Variants in ADGRL3 observed in about 807,000 individuals in gnomAD.
ADGRL3 encodes adhesion G protein-coupled receptor L3.
In ADGRL3, 62 loss-of-function variants were observed where a neutral mutation model predicts 153.5. The observed-to-expected ratio is 0.40, with a 90% CI of 0.33 to 0.50. ADGRL3 has a LOEUF of 0.50. Among genes scored for constraint, ADGRL3 ranks in the 20% least tolerant of loss-of-function variants. ADGRL3 has a pLI of 0.47. For synonymous variants in ADGRL3, 710 were observed against 672.5 expected (o/e 1.06, Z -0.86); for missense variants, 1,641 against 1,859.4 (o/e 0.88, Z 2.16).
At chr4:61,762,371 G>T (rs2096923458) in intron 8 of ADGRL3, among the ~76,000 whole-genome samples, 1 of 152,000 alleles carries the variant, frequency 6.6e-6, no homozygotes, top group Non-Finnish European at 1.5e-5. Flanking sequence ...AATCTAATGA[G>T]TTTAACATCT....
chr4:61,640,565 G>A (rs1463588923), intron 5 of ADGRL3, among the ~76,000 whole-genome samples: 1 of 152,084 alleles, frequency 6.6e-6, no homozygotes, highest in Non-Finnish European at 1.5e-5. Flanking sequence ...CTTCTCTGTG[G>A]AATAGTTCTA....
chr4:61,904,086 C>G (rs1188283667), intron 11 of ADGRL3, among the ~76,000 whole-genome samples: 10 of 151,300 alleles, frequency 6.6e-5, no homozygotes, highest in Admixed American at 5.9e-4. Context: ...ATTTTTATAA[C>G]CTATTTCACT....
chr4:61,667,806 G>A (rs547977699), intron 5 of ADGRL3, among the ~76,000 whole-genome samples: 1 of 152,232 alleles, frequency 6.6e-6, no homozygotes, highest in Non-Finnish European at 1.5e-5. Context: ...TGTACTAGAG[G>A]ATAATATGTA....
Position 61,981,666 on chromosome 4 carries a change from TTTAC to T in ADGRL3, c.3016-1713_3016-1710del, listed in dbSNP as rs1354947480. ...TATAATTTTTGTGAGCCAGTTTCAGTTTACTTAAGATTTATGCACATGTTACAAG... is the reference window on the plus strand; with the variant it reads ...TATAATTTTTGTGAGCCAGTTTCAGTTTAAGATTTATGCACATGTTACAAG... On this transcript the variant is annotated intron_variant, in intron 18 of 26. Coordinates refer to ENST00000683033, the MANE Select transcript of ADGRL3 (RefSeq NM_001387552.1). Among the ~76,000 whole-genome samples, 34 of 149,616 alleles carry T rather than the reference TTTAC, an allele frequency of 2.3e-4. No homozygotes were observed. The East Asian group carries it at 7.0e-3, about 31-fold the overall frequency.
intron 1 of ADGRL3, among the ~76,000 whole-genome samples, chr4:61,321,719 G>T (rs940350063): frequency 6.6e-6 from 1 of 151,890 alleles, no homozygotes; most frequent in Admixed American, 6.6e-5. Flanking sequence ...ATGTCTAAAC[G>T]TAGAAAAGGT....
intron 21 of ADGRL3, among the ~76,000 whole-genome samples, chr4:62,022,132 C>A (rs2099241082): frequency 6.6e-6 from 1 of 152,166 alleles, no homozygotes; most frequent in African/African-American, 2.4e-5. Flanking sequence ...ATCTATTGAA[C>A]ACATGAATAA....
chr4:62,039,948 G>A (rs77454720), intron 24 of ADGRL3, among the ~76,000 whole-genome samples: 3,973 of 151,990 alleles, frequency 0.026, 181 homozygotes, highest in African/African-American at 0.092. Context: ...ACTACTTTAC[G>A]ACAGAGTTGT....
At chr4:61,625,310 C>T (rs2092766602) in intron 5 of ADGRL3, among the ~76,000 whole-genome samples, 1 of 151,872 alleles carries the variant, frequency 6.6e-6, no homozygotes, top group South Asian at 2.1e-4. Context: ...CAGAAAAGTT[C>T]AGTCATAAAC....
chr4:61,762,206 G>A (rs1035682943), intron 8 of ADGRL3, among the ~76,000 whole-genome samples: 8 of 151,918 alleles, frequency 5.3e-5, no homozygotes, highest in African/African-American at 1.7e-4. Context: ...AGTGATTTAT[G>A]TAGACAGAAA....
chr4:61,696,471 T>A (rs992361496), intron 6 of ADGRL3, among the ~76,000 whole-genome samples: 3 of 152,142 alleles, frequency 2.0e-5, no homozygotes, highest in Non-Finnish European at 4.4e-5. Context: ...GATTAAGTCA[T>A]GATTTATTAA....
At chr4:61,703,803 C>T (rs2095809090) in intron 6 of ADGRL3, among the ~76,000 whole-genome samples, 1 of 151,634 alleles carries the variant, frequency 6.6e-6, no homozygotes, top group South Asian at 2.1e-4. Flanking sequence ...TATGATACTT[C>T]TTTATATGTT....
chr4:62,006,003 C>CATATATATATATAT (rs1217370949), intron 21 of ADGRL3, among the ~76,000 whole-genome samples: 1 of 49,020 alleles, frequency 2.0e-5, no homozygotes, highest in African/African-American at 7.4e-5. Flanking sequence ...CACACACACA[C>CATATATATATATAT]ATATATATAT....
chr4:61,824,057 G>A (rs528811686), intron 9 of ADGRL3, among the ~76,000 whole-genome samples: 17 of 100,966 alleles, frequency 1.7e-4, no homozygotes, highest in East Asian at 4.1e-4. Context: ...GCGAGAATCC[G>A]TCTCAAAAAA....
chr4:61,651,357 T>C (rs1580097045), intron 5 of ADGRL3, among the ~76,000 whole-genome samples: 3 of 152,166 alleles, frequency 2.0e-5, no homozygotes, highest in African/African-American at 7.2e-5. Context: ...ACTAAATATA[T>C]GTATATTATT....
At chr4:61,691,660 A>G (rs1054878192) in intron 6 of ADGRL3, among the ~76,000 whole-genome samples, 5 of 152,196 alleles carry the variant, frequency 3.3e-5, no homozygotes, top group African/African-American at 1.2e-4. Context: ...AACAAAGTCT[A>G]TCTAATACGG....
intron 5 of ADGRL3, among the ~76,000 whole-genome samples, chr4:61,608,456 A>G (rs1275889931): frequency 2.0e-5 from 3 of 152,208 alleles, no homozygotes; most frequent in Non-Finnish European, 4.4e-5. Flanking sequence ...AAACCCCAAA[A>G]CAAATAAAAA....
intron 1 of ADGRL3, among the ~76,000 whole-genome samples, chr4:61,235,956 G>A (rs1013283893): frequency 6.6e-6 from 1 of 151,322 alleles, no homozygotes; most frequent in Non-Finnish European, 1.5e-5. Context: ...TTGCTCATGA[G>A]AGAGCATTTA....
intron 21 of ADGRL3, among the ~76,000 whole-genome samples, chr4:62,006,019 TATATATATA>T (rs2099157317): frequency 9.7e-6 from 1 of 103,176 alleles, no homozygotes; most frequent in African/African-American, 3.5e-5. Flanking sequence ...TATATATATA[TATATATATA>T]TATATTTTTT....
chr4:61,381,326 T>TGC, intron 1 of ADGRL3, among the ~76,000 whole-genome samples: 1 of 148,822 alleles, frequency 6.7e-6, no homozygotes, highest in Non-Finnish European at 1.5e-5. Flanking sequence ...TGTGTGTGTG[T>TGC]GTGTGTGTTT....
Sources: gnomAD v4.1 joint callset for allele counts (sites outside exome capture counted in the v4.1 genomes callset) on GRCh38, gnomAD v4.1.1 for gene constraint, MANE v1.5 for transcripts, NCBI Gene and HGNC (gene_info 2026-07-23, HGNC 2026-07-21) for gene names.